RNF31: variants seen among roughly 807,000 people sequenced by gnomAD.
RNF31 encodes the protein ring finger protein 31, also known as E3 ubiquitin-protein ligase RNF31.
Under a neutral mutation model 133.6 loss-of-function variants are expected in RNF31, and 38 were observed. The ratio of observed to expected loss-of-function variants is 0.28; its 90% confidence interval spans 0.22 to 0.37. RNF31 has a LOEUF of 0.37. Ranked by LOEUF, RNF31 falls within the 10% of genes least tolerant of loss-of-function variation. The pLI is 1.00. For synonymous variants in RNF31, 582 were observed against 552.3 expected, an observed-to-expected ratio of 1.05 and a Z score of -0.75; for missense variants, 1,118 against 1,394.1, an observed-to-expected ratio of 0.80 and a Z score of 3.15.
At position 24,155,467 on chromosome 14, in the gene RNF31, C is replaced by G. The variant is rs372700410; in HGVS notation, c.2358C>G (p.Thr786=). 2 of 1,614,062 alleles carry G rather than the reference C, an allele frequency of 1.2e-6. No individual in the cohort carries two copies. Among genetic ancestry groups the G allele is most frequent in the African/African-American group, 2.7e-5 (2 of 74,902 alleles). The change falls in exon 13 of 21, where the codon ACC becomes ACG. Residue 786 remains threonine (T), a synonymous_variant. Coordinates refer to ENST00000324103, the MANE Select transcript of RNF31 (RefSeq NM_017999.5). This position sits in a 1 kb window ranked among gnomAD's most constrained non-coding sequence, Gnocchi z 4.9. The stretch of plus-strand genomic sequence containing the variant: ...ATGCGTTGTTCCATAAGAAGCTGAC[C>G]GAGGGTGTGCTGATGCGGGACCCCA... ...DAYALFHKKL[T]EGVLMRDPKF...
At position 24,148,022 on chromosome 14, in the gene RNF31, A is replaced by G; in HGVS notation, c.239A>G (p.Glu80Gly). The G allele has an allele frequency of 1.2e-6, 2 of 1,614,216 alleles. No homozygotes were observed. The highest frequency in any genetic ancestry group is 2.2e-5 in the East Asian group (1 of 44,884). Residue 80 changes from glutamate (E) to glycine (G), a missense_variant, in exon 2 of 21, where the codon GAG (glutamate) becomes GGG (glycine). Glu to Gly is a moderately conservative substitution (Grantham distance 98, BLOSUM62 -2). Around this residue, in one of 3 missense-constraint regions of RNF31, gnomAD observed 747 missense variants for 827.9 expected, o/e 0.90. Coordinates refer to ENST00000324103, the MANE Select transcript of RNF31 (RefSeq NM_017999.5). ...NTLSTALNILEKYGRNLLSPQ... is the reference protein window; with the variant it reads ...NTLSTALNILGKYGRNLLSPQ... ...CTGTCCACGGCTCTGAACATCCTGG[A>G]GAAATACGGCCGCAACCTTCTCAGC...
intron 16 of RNF31, 86 bp from the exon 17 acceptor site, chr14:24,157,812 C>T: frequency 2.5e-6 from 3 of 1,205,892 alleles, no homozygotes; most frequent in Non-Finnish European, 3.7e-6. Context: ...TCTCCCCTCA[C>T]CCTTACACCC....
intron 3 of RNF31, 23 bp from the exon 4 acceptor site, chr14:24,148,619 C>T (rs778712035): frequency 2.5e-6 from 4 of 1,613,600 alleles, no homozygotes; most frequent in African/African-American, 1.3e-5. Flanking sequence ...AGCTGGAAAC[C>T]GTTTTTATCT....
Position 24,150,335 on chromosome 14 carries a change from G to A in RNF31, c.1084G>A (p.Glu362Lys). Reference protein sequence around the residue: ...GRWACQSCTFENEAAAVLCSI... With the variant: ...GRWACQSCTFKNEAAAVLCSI... ...GTGGGCCTGCCAGAGCTGTACCTTT[G>A]AGAATGAGGCAGCTGCTGTGCTATG... Residue 362 changes from glutamate to lysine, a missense_variant, in exon 7 of 21, where the codon GAG becomes AAG. Physicochemically the swap from Glu to Lys is moderately conservative, Grantham distance 56. Coordinates refer to ENST00000324103, the MANE Select transcript of RNF31 (RefSeq NM_017999.5). The A allele has an allele frequency of 6.2e-7, 1 of 1,614,182 alleles. No homozygotes were observed. Among genetic ancestry groups the A allele is most frequent in the Non-Finnish European group, 8.5e-7 (1 of 1,180,030 alleles).
chr14:24,158,238 G>T (rs749677952), intron 18 of RNF31, 39 bp downstream of exon 18: 1 of 1,594,704 alleles, frequency 6.3e-7, no homozygotes, highest in South Asian at 1.1e-5. Context: ...AGGAGATGGT[G>T]TGCTGGGCTC....
rs2038202586 is a variant in RNF31, at chr14:24,148,247, A to ATG, written c.340-6_340-5dup. 6.2e-7 allele frequency: 1 copy of ATG among 1,613,918 alleles called. No individual in the cohort carries two copies. Among genetic ancestry groups the ATG allele is most frequent in the African/African-American group, 1.3e-5 (1 of 74,870 alleles). On this transcript the variant is annotated splice_polypyrimidine_tract_variant and intron_variant, in intron 2 of 20. Transcript: ENST00000324103. ...ACCTCCTGGGTGGTGACTCGTTTGA[A>ATG]TGTGTGGCAGGGGGGCCGAGATGTG...
intron 11 of RNF31, among the ~76,000 whole-genome samples, chr14:24,152,409 C>CTTTATTTA (rs57452223): frequency 2.0e-5 from 3 of 149,894 alleles, no homozygotes; most frequent in Non-Finnish European, 3.0e-5. Context: ...AAATGTAAAA[C>CTTTATTTA]TTTATTTATT....
chr14:24,151,436 C>A lies in RNF31; in HGVS notation c.1738-49C>A. 1 of 1,613,232 alleles carries A rather than the reference C, an allele frequency of 6.2e-7. No individual in the cohort carries two copies. On this transcript the variant is annotated intron_variant, in intron 9 of 20. Coordinates refer to ENST00000324103, the MANE Select transcript of RNF31 (RefSeq NM_017999.5). The surrounding 1 kb of genome is among the most constrained non-coding windows in gnomAD (Gnocchi z 5.3). ...GAGAGTCTGCATCTCTCACACTCTC[C>A]CTTGCTTGCTTTCCCACTTCATTCC...
At chr14:24,152,656 A>G (rs1299111755) in intron 11 of RNF31, among the ~76,000 whole-genome samples, 1 of 152,198 alleles carries the variant, frequency 6.6e-6, no homozygotes, top group Non-Finnish European at 1.5e-5. Flanking sequence ...TGACCTCTAC[A>G]ATTATTTTAA....
chr14:24,152,955 C>T lies in RNF31; in HGVS notation c.2130+963C>T, dbSNP rs181447078. ...AATTAGCCAGGTGTGGTGGCAGGCG[C>T]CTGTAGTCCCAGCTACTCAGGAGGC... On this transcript the variant is annotated intron_variant, in intron 11 of 20. Transcript: ENST00000324103. Among the ~76,000 whole-genome samples, 925 of 152,094 alleles carry T rather than the reference C, an allele frequency of 6.1e-3. 8 individuals are homozygous for T. The highest frequency in any genetic ancestry group is 8.2e-3 in the Non-Finnish European group (559 of 68,012).
At chr14:24,156,778 C>CAA (rs901356904) in intron 14 of RNF31, among the ~76,000 whole-genome samples, 135 of 122,326 alleles carry the variant, frequency 1.1e-3, no homozygotes, top group East Asian at 5.1e-3. Context: ...GACTCCATCT[C>CAA]AAAAAAAAAA....
chr14:24,148,617 A>G, intron 3 of RNF31, 25 bp from the exon 4 acceptor site: 1 of 1,613,720 alleles, frequency 6.2e-7, no homozygotes, highest in Non-Finnish European at 8.5e-7. Flanking sequence ...CTAGCTGGAA[A>G]CCGTTTTTAT....
chr14:24,150,071 T>A lies in RNF31; in HGVS notation c.820T>A (p.Ser274Thr). 1 of 1,577,054 alleles carries A rather than the reference T, an allele frequency of 6.3e-7. No homozygotes were observed. The highest frequency in any genetic ancestry group is 1.1e-5 in the South Asian group (1 of 88,310). The change falls in exon 7 of 21, where the codon TCA becomes ACA. Residue 274 changes from serine to threonine, a missense_variant. Ser to Thr is a moderately conservative substitution (Grantham distance 58). This residue lies in a region of RNF31 where 747 missense variants were observed against 827.9 expected (regional missense o/e 0.90). Transcript: ENST00000324103. The stretch of plus-strand genomic sequence containing the variant: ...GCTTTTCCATTACAGTTTACCTGCC[T>A]CAGCCCAACCACGGCCCCAGTCGAC... ...GTHLSPSLPASAQPRPQSTSL... is the reference protein window; with the variant it reads ...GTHLSPSLPATAQPRPQSTSL...
intron 18 of RNF31, among the ~76,000 whole-genome samples, chr14:24,159,408 C>A (rs920929356): frequency 1.3e-5 from 2 of 150,226 alleles, no homozygotes; most frequent in African/African-American, 4.9e-5. Flanking sequence ...GGTGGTGGCT[C>A]ACACCCATAA....
chr14:24,157,770 C>T (rs1049742720), intron 16 of RNF31, 128 bp from the exon 17 acceptor site: 31 of 1,099,896 alleles, frequency 2.8e-5, no homozygotes, highest in Middle Eastern at 2.8e-4. Context: ...TCTCTGTCCC[C>T]TTACCCTTTG....
rs775245836 is a variant in RNF31 at position 24,149,386 on chromosome 14, C to T, written c.632-20C>T. The T allele has an allele frequency of 6.2e-7, 1 of 1,602,158 alleles. No homozygotes were observed. The highest frequency in any genetic ancestry group is 1.3e-5 in the African/African-American group (1 of 74,640). ...GCCTGGTCTTTTTTGGAAAGATGTT[C>T]CATCTCTCCTGCCCTCCAGGCTCCA... is the stretch of plus-strand genomic sequence containing the variant. On this transcript the variant is annotated intron_variant, in intron 5 of 20. Transcript: ENST00000324103.
Position 24,151,321 on chromosome 14 carries a change from A to G in RNF31, c.1679A>G (p.Asp560Gly), listed in dbSNP as rs1240723323. 2 of 1,614,162 alleles carry G rather than the reference A, an allele frequency of 1.2e-6. No homozygotes were observed. Among genetic ancestry groups the G allele is most frequent in the South Asian group, 1.1e-5 (1 of 91,082 alleles). Reference sequence around the variant, plus strand: ...CAGGAGGCCCGGAGAGCCTGGCTGGATCGTCATGGCAACCTTGATGAAGCT... The same window carrying G: ...CAGGAGGCCCGGAGAGCCTGGCTGGGTCGTCATGGCAACCTTGATGAAGCT... ...SCQEARRAWL[D>G]RHGNLDEAVE... The change falls in exon 9 of 21, where the codon GAT becomes GGT. Residue 560 changes from aspartate to glycine, a missense_variant. This residue lies in a region of RNF31 where 747 missense variants were observed against 827.9 expected (regional missense o/e 0.90). Coordinates refer to ENST00000324103, the MANE Select transcript of RNF31 (RefSeq NM_017999.5). The surrounding 1 kb of genome is among the most constrained non-coding windows in gnomAD (Gnocchi z 5.3).
chr14:24,150,682 G>T lies in RNF31; in HGVS notation c.1282G>T (p.Val428Leu). 6.2e-7 allele frequency: 1 copy of T among 1,614,204 alleles called. No homozygotes were observed. The highest frequency in any genetic ancestry group is 8.5e-7 in the Non-Finnish European group (1 of 1,180,044). Residue 428 changes from valine (V) to leucine (L), a missense_variant, in exon 8 of 21, where the codon GTG (valine) becomes TTG (leucine). Physicochemically the swap from Val to Leu is conservative, Grantham distance 32. Around this residue, in one of 3 missense-constraint regions of RNF31, gnomAD observed 747 missense variants for 827.9 expected, o/e 0.90. Transcript: ENST00000324103. ...CTTCTGCAACTCGAGCCCTGGCTGG[G>T]TGTGTGTTATGTGCAACCGGACTAG... ...CTFCNSSPGW[V>L]CVMCNRTSSP...
At position 24,149,119 on chromosome 14, in the gene RNF31, G is replaced by A. The variant is rs111853946; in HGVS notation, c.631+243G>A. On this transcript the variant is annotated intron_variant, in intron 5 of 20. Coordinates refer to ENST00000324103, the MANE Select transcript of RNF31 (RefSeq NM_017999.5). Reference sequence around the variant, plus strand: ...GCTGGGATTACAGGCATGCGCCACCGCGCTCGGCTAATTTTGTATTTTTGG... The same window carrying A: ...GCTGGGATTACAGGCATGCGCCACCACGCTCGGCTAATTTTGTATTTTTGG... 4.1e-3 allele frequency: 2,435 copies of A among 593,582 alleles called. 45 individuals carry two copies. Among genetic ancestry groups the A allele is most frequent in the African/African-American group, 0.039 (2,114 of 53,766 alleles). 36.8% of individuals were successfully genotyped at this position (593,582 alleles called of 1,614,324 possible).
Sources: allele counts gnomAD v4.1 joint callset (sites outside exome capture counted in the v4.1 genomes callset), GRCh38; gene constraint gnomAD v4.1.1; regional missense constraint gnomAD v4.1.1; non-coding constraint Gnocchi (gnomAD v3.1); transcripts MANE v1.5; gene names NCBI Gene and HGNC (gene_info 2026-07-23, HGNC 2026-07-21).